Variants in ALPK1 observed in about 807,000 individuals in gnomAD.
ALPK1 encodes alpha kinase 1, also known as alpha-protein kinase 1.
In ALPK1, 110 loss-of-function variants were observed where a neutral mutation model predicts 120.6. That is an observed-to-expected ratio of 0.91 (90% CI 0.78 to 1.07). The LOEUF is 1.07. ALPK1 is among the 50% of genes least tolerant of loss of function. The pLI, the probability that ALPK1 is intolerant of heterozygous loss-of-function variation, is 0.00. For missense variants in ALPK1, 1,498 were observed against 1,483.9 expected, an observed-to-expected ratio of 1.01 and a Z score of -0.16; for synonymous variants, 582 against 560.3, an observed-to-expected ratio of 1.04 and a Z score of -0.55.
intron 4 of ALPK1, among the ~76,000 whole-genome samples, chr4:112,404,438 C>T (rs188922471): frequency 2.4e-4 from 36 of 152,274 alleles, no homozygotes; most frequent in Middle Eastern, 6.8e-3. Context: ...GAATATTATC[C>T]ACATTTCACA....
intron 1 of ALPK1, among the ~76,000 whole-genome samples, chr4:112,311,939 A>G (rs547086782): frequency 1.3e-5 from 2 of 152,278 alleles, no homozygotes; most frequent in Middle Eastern, 6.8e-3. Flanking sequence ...AACATGAGTG[A>G]GAGGAAGCAC....
intron 2 of ALPK1, among the ~76,000 whole-genome samples, chr4:112,377,199 A>G (rs767091519): frequency 1.3e-5 from 2 of 152,182 alleles, no homozygotes; most frequent in Non-Finnish European, 2.9e-5. Flanking sequence ...GTCATTGCCT[A>G]TCTTGGTCCA....
intron 2 of ALPK1, among the ~76,000 whole-genome samples, chr4:112,324,320 C>T (rs1729006736): frequency 7.2e-6 from 1 of 139,538 alleles, no homozygotes; most frequent in South Asian, 2.2e-4. Flanking sequence ...GAGCAAGACT[C>T]CATCTCAGAA....
At chr4:112,353,408 C>G (rs1031377101) in intron 2 of ALPK1, among the ~76,000 whole-genome samples, 1 of 152,194 alleles carries the variant, frequency 6.6e-6, no homozygotes, top group African/African-American at 2.4e-5. Context: ...AAGAATTTCT[C>G]TAAATTAGAG....
At chr4:112,406,437 A>G (rs964373934) in intron 4 of ALPK1, among the ~76,000 whole-genome samples, 1 of 152,206 alleles carries the variant, frequency 6.6e-6, no homozygotes, top group African/African-American at 2.4e-5. Context: ...TAGAAGCAGA[A>G]AGTAATGTTG....
rs1341836690 is a variant in ALPK1 at position 112,326,416 on chromosome 4, CTT to C, written c.-101+10568_-101+10569del. ...GGTCTACAGAGAGAAATGAAGCAGA[CTT>C]TTTCTGTTTCATTTACATCTGTAGG... On this transcript the variant is annotated intron_variant, in intron 2 of 15. Transcript: ENST00000650871. Among the ~76,000 whole-genome samples, 29 of 152,220 alleles carry C rather than the reference CTT, an allele frequency of 1.9e-4. No homozygotes were observed. The East Asian group carries it at 5.6e-3, about 29-fold the overall frequency.
chr4:112,414,512 G>A (rs534950670), intron 5 of ALPK1: 28 of 312,968 alleles, frequency 8.9e-5, no homozygotes, highest in South Asian at 6.8e-4. Flanking sequence ...GGAGGCTGAG[G>A]CAGGAGAATC....
intron 2 of ALPK1, among the ~76,000 whole-genome samples, chr4:112,360,648 C>T (rs1479772094): frequency 2.0e-5 from 3 of 152,100 alleles, no homozygotes; most frequent in African/African-American, 7.2e-5. Flanking sequence ...GACGCTCAAG[C>T]CCTTGATAGT....
chr4:112,399,990 G>A (rs1172688970), intron 4 of ALPK1, among the ~76,000 whole-genome samples: 2 of 152,120 alleles, frequency 1.3e-5, no homozygotes, highest in East Asian at 1.9e-4. Flanking sequence ...TCTTTATCCA[G>A]TCTATCACTG....
intron 2 of ALPK1, among the ~76,000 whole-genome samples, chr4:112,371,949 A>G (rs557073052): frequency 1.3e-5 from 2 of 152,360 alleles, no homozygotes; most frequent in East Asian, 3.9e-4. Flanking sequence ...CATCTTAACA[A>G]TTGTTCCAAC....
chr4:112,430,655 G>A lies in ALPK1; in HGVS notation c.1108G>A (p.Gly370Arg). ...CACCACAGTGCACAGAAGGCTCCAT[G>A]GGGAGACAGGGACGGTCCATGCAGC... is the stretch of plus-strand genomic sequence containing the variant. ...GLTTVHRRLHGETGTVHAASQ... is the reference protein window; with the variant it reads ...GLTTVHRRLHRETGTVHAASQ... The change falls in exon 11 of 16, where the codon GGG becomes AGG. Residue 370 changes from glycine (G) to arginine (R), a missense_variant. Coordinates refer to ENST00000650871, the MANE Select transcript of ALPK1 (RefSeq NM_025144.4). The A allele has an allele frequency of 6.2e-7, 1 of 1,614,158 alleles. No homozygotes were observed. Among genetic ancestry groups the A allele is most frequent in the Non-Finnish European group, 8.5e-7 (1 of 1,180,008 alleles).
chr4:112,420,364 A>G (rs1241849568), intron 5 of ALPK1, among the ~76,000 whole-genome samples: 1 of 152,238 alleles, frequency 6.6e-6, no homozygotes. Flanking sequence ...TGTTCTGGCT[A>G]CAACAATACA....
intron 2 of ALPK1, chr4:112,352,764 C>G (rs1730417894): frequency 6.6e-6 from 1 of 152,096 alleles, no homozygotes; most frequent in Non-Finnish European, 1.5e-5. Flanking sequence ...AAATTTTACC[C>G]ATGGATTCCT....
At chr4:112,382,604 A>T in intron 4 of ALPK1, 52 bp downstream of exon 4, 1 of 1,613,150 alleles carries the variant, frequency 6.2e-7, no homozygotes, top group Non-Finnish European at 8.5e-7. Context: ...TGAGGCATTT[A>T]GACTCTAAGT....
chr4:112,318,942 G>A (rs938327056), intron 2 of ALPK1, among the ~76,000 whole-genome samples: 8 of 152,312 alleles, frequency 5.3e-5, no homozygotes, highest in African/African-American at 9.6e-5. Context: ...AGTGCTGAGC[G>A]TGGCAACTTG....
intron 7 of ALPK1, 100 bp downstream of exon 7, chr4:112,425,851 T>A: frequency 1.1e-6 from 1 of 914,274 alleles, no homozygotes; most frequent in Middle Eastern, 2.3e-4. Flanking sequence ...CTAAAATTGT[T>A]AATTTCCACT....
In ALPK1 at chr4:112,441,070, G is replaced by A. The variant is rs147722416; in HGVS notation, c.3692G>A (p.Arg1231His). ...QHVECNEICH[R>H]LSLTRPSMEK... The stretch of plus-strand genomic sequence containing the variant: ...GTGGAATGTAATGAAATCTGCCATC[G>A]TCTTTCTTTGACTAGACCTTCAATG... The change falls in exon 15 of 16, where the codon CGT becomes CAT. Residue 1231 changes from arginine to histidine, a missense_variant. Transcript: ENST00000650871. 2.1e-5 allele frequency: 34 copies of A among 1,613,648 alleles called. No individual in the cohort carries two copies. Among genetic ancestry groups the A allele is most frequent in the African/African-American group, 8.0e-5 (6 of 74,840 alleles).
chr4:112,429,100 A>G (rs753667064), intron 9 of ALPK1, 49 bp from the exon 10 acceptor site: 2 of 1,517,996 alleles, frequency 1.3e-6, no homozygotes, highest in African/African-American at 2.7e-5. Context: ...TTTTTTGCTC[A>G]TCGATAATTA....
At chr4:112,338,173 G>A (rs963227112) in intron 2 of ALPK1, among the ~76,000 whole-genome samples, 4 of 152,084 alleles carry the variant, frequency 2.6e-5, no homozygotes, top group African/African-American at 9.7e-5. Flanking sequence ...TGCCATGTTG[G>A]CCAGGCCAGT....
Sources: gnomAD v4.1 joint callset for allele counts (sites outside exome capture counted in the v4.1 genomes callset) on GRCh38, gnomAD v4.1.1 for gene constraint, MANE v1.5 for transcripts, NCBI Gene and HGNC (gene_info 2026-07-23, HGNC 2026-07-21) for gene names.